The following MCM9 variants were observed in gnomAD, a reference collection of about 807,000 sequenced individuals.
MCM9 encodes the protein minichromosome maintenance 9 homologous recombination repair factor.
MCM9 carries 55 observed loss-of-function variants against 72.8 expected under a neutral mutation model. The ratio of observed to expected loss-of-function variants is 0.76; its 90% CI spans 0.61 to 0.95. The LOEUF is 0.95. MCM9 is among the 40% of genes least tolerant of loss of function. MCM9 has a pLI of 0.00. For missense variants in MCM9, 1,279 were observed against 1,377.0 expected (o/e 0.93, Z 1.13); for synonymous variants, 480 against 503.4 (o/e 0.95, Z 0.62).
chr6:118,871,701 G>A (rs909618173), intron 8 of MCM9, among the ~76,000 whole-genome samples: 3 of 152,070 alleles, frequency 2.0e-5, no homozygotes, highest in African/African-American at 7.2e-5. Context: ...CAGATCACGA[G>A]GTCAGGAGAT....
chr6:118,816,183 T>C lies in MCM9; in HGVS notation c.2073A>G (p.Ser691=). The change falls in exon 14 of 14, where the codon TCA becomes TCG. Residue 691 remains serine, a synonymous_variant. Transcript: ENST00000619706. ...PGEESNFRTS[S]QQEINYSTHI... ...GTGTGCTATAGTTGATTTCCTGCTGTGATGAAGTTCTGAAGTTTGATTCTT... is the reference window on the plus strand; with the variant it reads ...GTGTGCTATAGTTGATTTCCTGCTGCGATGAAGTTCTGAAGTTTGATTCTT... The C allele has an allele frequency of 6.4e-7, 1 of 1,550,528 alleles. No homozygotes were observed. Among genetic ancestry groups the C allele is most frequent in the South Asian group, 1.2e-5 (1 of 84,056 alleles).
At chr6:118,836,153 T>C (rs954421438) in intron 9 of MCM9, among the ~76,000 whole-genome samples, 8 of 152,224 alleles carry the variant, frequency 5.3e-5, no homozygotes, top group Non-Finnish European at 8.8e-5. Context: ...ATTACGTTTA[T>C]TGATTTGCAT....
At position 118,911,788 on chromosome 6, in the gene MCM9, A is replaced by C. The variant is rs753719765; in HGVS notation, c.1031-19T>G. 3.2e-6 allele frequency: 5 copies of C among 1,586,330 alleles called. No individual in the cohort carries two copies. Among genetic ancestry groups the C allele is most frequent in the Non-Finnish European group, 1.7e-6 (2 of 1,157,892 alleles). The stretch of plus-strand genomic sequence containing the variant: ...GATTCTCCTAGGAAAAAGCAAATAC[A>C]TGAAGTTTTAAATTTCTATAAAAGG... On this transcript the variant is annotated intron_variant, in intron 7 of 13. Transcript: ENST00000619706.
intron 8 of MCM9, among the ~76,000 whole-genome samples, chr6:118,877,090 T>C (rs1350998589): frequency 2.0e-5 from 3 of 152,178 alleles, no homozygotes; most frequent in African/African-American, 7.2e-5. Context: ...CTAAGCAACC[T>C]ACAGAGAGGC....
At chr6:118,847,479 C>T (rs1018945759) in intron 9 of MCM9, among the ~76,000 whole-genome samples, 3 of 145,994 alleles carry the variant, frequency 2.1e-5, no homozygotes, top group African/African-American at 5.1e-5. Flanking sequence ...AAGAAAGGAC[C>T]GACAGGACTG....
chr6:118,916,227 A>T (rs1456914232), intron 6 of MCM9, among the ~76,000 whole-genome samples: 4 of 151,654 alleles, frequency 2.6e-5, no homozygotes, highest in Non-Finnish European at 5.9e-5. Flanking sequence ...TTTTAATTTT[A>T]AAAATCATTT....
At chr6:118,843,670 G>GTGTATATATATATA (rs1562407108) in intron 9 of MCM9, among the ~76,000 whole-genome samples, 6 of 17,134 alleles carry the variant, frequency 3.5e-4, no homozygotes, top group Non-Finnish European at 7.4e-4. Flanking sequence ...ATATATATAT[G>GTGTATATATATATA]TATGTATATA....
chr6:118,847,535 A>C (rs978689083), intron 9 of MCM9, among the ~76,000 whole-genome samples: 5 of 151,740 alleles, frequency 3.3e-5, no homozygotes, highest in African/African-American at 1.2e-4. Flanking sequence ...AATAGCCAAG[A>C]GAATAAAACA....
chr6:118,837,896 G>T (rs1562404724), intron 9 of MCM9, among the ~76,000 whole-genome samples: 1 of 152,158 alleles, frequency 6.6e-6, no homozygotes, highest in East Asian at 1.9e-4. Context: ...ATTTGATCCT[G>T]TTATTATGAT....
intron 8 of MCM9, among the ~76,000 whole-genome samples, chr6:118,904,712 T>C (rs1437364003): frequency 1.3e-5 from 2 of 152,264 alleles, no homozygotes; most frequent in Non-Finnish European, 2.9e-5. Context: ...CCTTCACTGG[T>C]TTCCACATTA....
chr6:118,905,589 G>C (rs1780127378), intron 8 of MCM9: 1 of 1,385,810 alleles, frequency 7.2e-7, no homozygotes, highest in Non-Finnish European at 9.8e-7. Flanking sequence ...TGAAACTCCA[G>C]TCTTGCCTGC....
At chr6:118,858,015 A>T (rs1776673539) in intron 8 of MCM9, among the ~76,000 whole-genome samples, 1 of 152,204 alleles carries the variant, frequency 6.6e-6, no homozygotes, top group South Asian at 2.1e-4. Flanking sequence ...CAGAATTATC[A>T]TACTAATTGT....
chr6:118,893,237 G>A (rs147870033), intron 8 of MCM9, among the ~76,000 whole-genome samples: 3,270 of 152,154 alleles, frequency 0.021, 54 homozygotes, highest in African/African-American at 0.051. Flanking sequence ...GGCAAGCAAG[G>A]GCTCCTCAGA....
chr6:118,828,105 G>A lies in MCM9; in HGVS notation c.1554C>T (p.Leu518=). The change falls in exon 11 of 14, where the codon CTC becomes CTT. Residue 518 remains leucine, a synonymous_variant. Transcript: ENST00000619706. The stretch of plus-strand genomic sequence containing the variant: ...AGGTTTTCATCTTTTCCATGCTCCA[G>A]AGCTTCTCTGATTTGCTTGGGTAAC... ...NKGYPSKSEK[L]WSMEKMKTYF... is the part of the protein sequence containing the mutation. 5 of 1,550,474 alleles carry A rather than the reference G, an allele frequency of 3.2e-6. No individual in the cohort carries two copies. Among genetic ancestry groups the A allele is most frequent in the Non-Finnish European group, 4.4e-6 (5 of 1,146,976 alleles).
intron 8 of MCM9, among the ~76,000 whole-genome samples, chr6:118,898,962 A>G (rs1321196808): frequency 6.6e-6 from 1 of 152,104 alleles, no homozygotes; most frequent in Non-Finnish European, 1.5e-5. Flanking sequence ...CCTATTCAGT[A>G]TCTCTGCTTA....
chr6:118,896,391 C>CAA (rs5879473), intron 8 of MCM9, among the ~76,000 whole-genome samples: 8,754 of 152,116 alleles, frequency 0.058, 359 homozygotes, highest in East Asian at 0.19. Context: ...AGGTATTTCT[C>CAA]AAGTGTTGCC....
intron 8 of MCM9, among the ~76,000 whole-genome samples, chr6:118,871,884 C>T (rs909748044): frequency 6.6e-6 from 1 of 151,484 alleles, no homozygotes; most frequent in African/African-American, 2.4e-5. Flanking sequence ...TCCAGCCTGG[C>T]GACAGAAGGA....
chr6:118,882,224 T>G (rs529536545), intron 8 of MCM9, among the ~76,000 whole-genome samples: 2 of 152,282 alleles, frequency 1.3e-5, no homozygotes, highest in East Asian at 3.9e-4. Context: ...GAGGCTACCA[T>G]TTCCGCCCCC....
intron 5 of MCM9, 190 bp from the exon 6 acceptor site, chr6:118,917,951 T>C (rs1050325362): frequency 8.6e-6 from 5 of 582,934 alleles, no homozygotes; most frequent in African/African-American, 7.5e-5. Context: ...CCCACAGTCA[T>C]GTATCTGTAA....
Sources: allele counts gnomAD v4.1 joint callset (sites outside exome capture counted in the v4.1 genomes callset), GRCh38; gene constraint gnomAD v4.1.1; transcripts MANE v1.5; gene names NCBI Gene and HGNC (gene_info 2026-07-23, HGNC 2026-07-21).